Variants in EXOC5 observed in about 807,000 individuals in gnomAD.
EXOC5 encodes exocyst complex component 5.
Under a neutral mutation model 90.8 loss-of-function variants are expected in EXOC5, and 17 were observed. The observed-to-expected ratio is 0.19, with a 90% CI of 0.13 to 0.28. The LOEUF (loss-of-function observed/expected upper bound fraction) is 0.28, where lower values mean the gene tolerates loss of function less well. Ranked by LOEUF, EXOC5 falls within the 10% of genes least tolerant of loss-of-function variation. The pLI is 1.00. For missense variants in EXOC5, 569 were observed against 830.6 expected (o/e 0.69, Z 3.87); for synonymous variants, 260 against 270.0 (o/e 0.96, Z 0.36).
chr14:57,236,065 C>G (rs951582453), intron 6 of EXOC5, among the ~76,000 whole-genome samples: 1 of 152,088 alleles, frequency 6.6e-6, no homozygotes, highest in African/African-American at 2.4e-5. Context: ...GTCTGACTGT[C>G]ATATGCCATT....
Position 57,232,788 on chromosome 14 carries a change from T to C in EXOC5, c.856-39A>G, listed in dbSNP as rs748196605. ...GTTAACATTCTGTTAATTAGGTAAA[T>C]ATTAAATTCTACAACTTCTCAAGAT... On this transcript the variant is annotated intron_variant, in intron 9 of 17. Coordinates refer to ENST00000621441, the MANE Select transcript of EXOC5 (RefSeq NM_006544.4). The C allele has an allele frequency of 6.4e-6, 6 of 934,384 alleles. No individual in the cohort carries two copies. The Admixed American group carries it at 1.4e-4, about 22-fold the overall frequency. 57.9% of individuals were successfully genotyped at this position (934,384 alleles called of 1,614,324 possible).
Position 57,206,022 on chromosome 14 carries a change from T to TC in EXOC5, c.*2586dup. On this transcript the variant is annotated 3_prime_UTR_variant, in exon 18 of 18. Transcript: ENST00000621441. ...CATCATAATTTACATAAGGTAGGCT[T>TC]CCTTTATTAAATTCGTATTCTGTAT... The TC allele has an allele frequency of 2.2e-6, 1 of 454,422 alleles. No individual in the cohort carries two copies. Among genetic ancestry groups the TC allele is most frequent in the Non-Finnish European group, 4.4e-6 (1 of 226,222 alleles). 28.1% of individuals were successfully genotyped at this position (454,422 alleles called of 1,614,324 possible).
chr14:57,233,847 C>T lies in EXOC5; in HGVS notation c.751G>A (p.Gly251Arg), dbSNP rs1379933912. The T allele has an allele frequency of 6.2e-7, 1 of 1,610,028 alleles. No homozygotes were observed. Among genetic ancestry groups the T allele is most frequent in the East Asian group, 2.2e-5 (1 of 44,736 alleles). ...TTGTTCACTCTTTGACAGAGTATTC[C>T]AGCGTCTTCAAATATATCATTTCTC... ...YLRNDIFEDA[G>R]ILCQRVNKQV... Residue 251 changes from glycine (G) to arginine (R), a missense_variant, in exon 9 of 18, where the codon GGA (glycine) becomes AGA (arginine). Coordinates refer to ENST00000621441, the MANE Select transcript of EXOC5 (RefSeq NM_006544.4).
rs1443085719 is a variant in EXOC5, at chr14:57,205,625, C to T, written c.*2984G>A. 7 of 324,394 alleles carry T rather than the reference C, an allele frequency of 2.2e-5. No homozygotes were observed. Among genetic ancestry groups the T allele is most frequent in the South Asian group, 5.3e-5 (2 of 38,064 alleles). 20.1% of individuals were successfully genotyped at this position (324,394 alleles called of 1,614,324 possible). ...TATTCACCATTACAGGTAAGAAAAACGCATTTTAGGGAAGCAGTGAATTCT... is the reference window on the plus strand; with the variant it reads ...TATTCACCATTACAGGTAAGAAAAATGCATTTTAGGGAAGCAGTGAATTCT... On this transcript the variant is annotated 3_prime_UTR_variant, in exon 18 of 18. Transcript: ENST00000621441.
At chr14:57,252,687 G>A (rs544389550) in intron 1 of EXOC5, among the ~76,000 whole-genome samples, 1 of 152,268 alleles carries the variant, frequency 6.6e-6, no homozygotes, top group South Asian at 2.1e-4. Flanking sequence ...CTGTTGGTGG[G>A]AATGTAAATT....
intron 2 of EXOC5, among the ~76,000 whole-genome samples, 172 bp downstream of exon 2, chr14:57,247,446 G>A (rs367749147): frequency 3.9e-5 from 6 of 151,936 alleles, no homozygotes; most frequent in South Asian, 2.1e-4. Flanking sequence ...TTAAAAGAAC[G>A]TCAAAGAAAA....
chr14:57,248,270 A>C (rs1884086010), intron 1 of EXOC5, among the ~76,000 whole-genome samples: 1 of 151,966 alleles, frequency 6.6e-6, no homozygotes, highest in Non-Finnish European at 1.5e-5. Context: ...TCCATTTTTA[A>C]AATCTAAGGG....
In EXOC5 at chr14:57,268,738, G is replaced by A; in HGVS notation, c.-90C>T. The A allele has an allele frequency of 1.3e-6, 2 of 1,498,572 alleles. No homozygotes were observed. 92.8% of individuals were successfully genotyped at this position (1,498,572 alleles called of 1,614,324 possible). ...AGGCGCGGCGCACAGGTCTCCGCTC[G>A]GCTCGCCAGCTCCGGCTCCGGGCCG... On this transcript the variant is annotated 5_prime_UTR_variant, in exon 1 of 18. An upstream open reading frame in the 5' UTR gains an earlier in-frame stop. Coordinates refer to ENST00000621441, the MANE Select transcript of EXOC5 (RefSeq NM_006544.4).
intron 15 of EXOC5, among the ~76,000 whole-genome samples, chr14:57,217,069 A>G (rs1882997125): frequency 1.3e-5 from 2 of 152,188 alleles, no homozygotes; most frequent in Admixed American, 1.3e-4. Flanking sequence ...ATCACTTCAC[A>G]CCCGTTAGGA....
chr14:57,231,590 C>T lies in EXOC5; in HGVS notation c.1064G>A (p.Gly355Glu). The T allele has an allele frequency of 6.2e-7, 1 of 1,612,916 alleles. No individual in the cohort carries two copies. The highest frequency in any genetic ancestry group is 8.5e-7 in the Non-Finnish European group (1 of 1,179,432). ...CATAGCACTTCTGCTTTTCAAATAT[C>T]CAGTCTCCACCTCAATATAGTTCTC... ...YLENYIEVETGYLKSRSAMIL... is the reference protein window; with the variant it reads ...YLENYIEVETEYLKSRSAMIL... The change falls in exon 11 of 18, where the codon GGA becomes GAA. Residue 355 changes from glycine to glutamate, a missense_variant. Coordinates refer to ENST00000621441, the MANE Select transcript of EXOC5 (RefSeq NM_006544.4).
At chr14:57,219,300 A>C in intron 14 of EXOC5, 22 bp downstream of exon 14, 4 of 1,402,390 alleles carry the variant, frequency 2.9e-6, no homozygotes, top group Non-Finnish European at 2.9e-6. Context: ...AATATCAATG[A>C]AAATCAGATA....
rs765130814 is a variant in EXOC5, at chr14:57,231,543, A to C, written c.1111T>G (p.Ser371Ala). 4 of 1,611,688 alleles carry C rather than the reference A, an allele frequency of 2.5e-6. No individual in the cohort carries two copies. The South Asian group carries it at 4.4e-5, about 18-fold the overall frequency. ...SAMILQRYYDSKNHQKRSIGT... is the reference protein window; with the variant it reads ...SAMILQRYYDAKNHQKRSIGT... Reference sequence around the variant, plus strand: ...ATGGATCTCTTTTGATGGTTTTTCGAATCATAATAGCGCTGTAGGATCATA... The same window carrying C: ...ATGGATCTCTTTTGATGGTTTTTCGCATCATAATAGCGCTGTAGGATCATA... The change falls in exon 11 of 18, where the codon TCG becomes GCG. Residue 371 changes from serine (S) to alanine (A), a missense_variant. Coordinates refer to ENST00000621441, the MANE Select transcript of EXOC5 (RefSeq NM_006544.4).
intron 17 of EXOC5, 49 bp downstream of exon 17, chr14:57,209,517 CT>C (rs773662681): frequency 1.0e-6 from 1 of 992,998 alleles, no homozygotes; most frequent in Admixed American, 2.2e-5. Context: ...AATAATCTGA[CT>C]TATGCTCCTG....
intron 5 of EXOC5, among the ~76,000 whole-genome samples, chr14:57,239,122 T>C (rs1160292322): frequency 6.6e-6 from 1 of 152,058 alleles, no homozygotes; most frequent in Non-Finnish European, 1.5e-5. Context: ...CTCCATGAAA[T>C]TGTATACAAT....
In EXOC5 at chr14:57,231,409, A is replaced by C. The variant is rs1025191345; in HGVS notation, c.1148+97T>G. ...CTGGATTAAAAGAACTCTTCACAGA[A>C]AATTCTAATGATAGTCAACATTTGA... is the stretch of plus-strand genomic sequence containing the variant. On this transcript the variant is annotated intron_variant, in intron 11 of 17. Coordinates refer to ENST00000621441, the MANE Select transcript of EXOC5 (RefSeq NM_006544.4). 50 of 772,744 alleles carry C rather than the reference A, an allele frequency of 6.5e-5. 1 individual carries two copies. Among genetic ancestry groups the C allele is most frequent in the Non-Finnish European group, 1.7e-5 (8 of 481,402 alleles). The allele number at this position is 772,744 out of a possible 1,614,324, so 47.9% of individuals were successfully genotyped here. A position where few individuals can be genotyped will look rare whatever the true frequency, so the allele number is the denominator to read the frequency against.
At position 57,209,553 on chromosome 14, in the gene EXOC5, T is replaced by C. The variant is rs747467853; in HGVS notation, c.1938+14A>G. ...GGGCCTATTTGCAAGTTTGATGTTT[T>C]TGTGTACACATACCTTGAAGTCTTT... On this transcript the variant is annotated intron_variant, in intron 17 of 17. Coordinates refer to ENST00000621441, the MANE Select transcript of EXOC5 (RefSeq NM_006544.4). 9.7e-6 allele frequency: 15 copies of C among 1,540,470 alleles called. No individual in the cohort carries two copies. The Admixed American group carries it at 2.3e-4, about 23-fold the overall frequency.
intron 1 of EXOC5, among the ~76,000 whole-genome samples, chr14:57,262,169 C>T (rs1594686580): frequency 6.6e-6 from 1 of 152,216 alleles, no homozygotes; most frequent in African/African-American, 2.4e-5. Flanking sequence ...TTGAAAGTGG[C>T]CAACACCTAA....
intron 4 of EXOC5, among the ~76,000 whole-genome samples, chr14:57,241,962 T>C (rs1219418281): frequency 2.0e-5 from 3 of 151,636 alleles, no homozygotes; most frequent in Non-Finnish European, 2.9e-5. Flanking sequence ...TGAAACCCCA[T>C]CTCTACTAAA....
At chr14:57,248,969 T>C (rs920698502) in intron 1 of EXOC5, among the ~76,000 whole-genome samples, 2 of 152,204 alleles carry the variant, frequency 1.3e-5, no homozygotes, top group East Asian at 1.9e-4. Flanking sequence ...TTGAGAAATA[T>C]TGACTCAAGA....
Sources: allele counts gnomAD v4.1 joint callset (sites outside exome capture counted in the v4.1 genomes callset), GRCh38; gene constraint gnomAD v4.1.1; transcripts MANE v1.5; gene names NCBI Gene and HGNC (gene_info 2026-07-23, HGNC 2026-07-21).